The following ZNF831 variants were observed in gnomAD, a reference collection of about 807,000 sequenced individuals.
ZNF831 encodes zinc finger protein 831.
Under a neutral mutation model 95.8 loss-of-function variants are expected in ZNF831, and 59 were observed. The observed-to-expected ratio is 0.62, with a 90% CI of 0.50 to 0.77. ZNF831 has a LOEUF of 0.77. Ranked by LOEUF, ZNF831 falls within the 30% of genes least tolerant of loss-of-function variation. The probability of loss-of-function intolerance (pLI) is 0.00; values close to 1 mark genes in which losing one functional copy is unlikely to be tolerated. For synonymous variants in ZNF831, 961 were observed against 925.5 expected (o/e 1.04, Z -0.70); for missense variants, 2,205 against 2,164.0 (o/e 1.02, Z -0.38).
In ZNF831 at chr20:59,254,236, C is replaced by T. The variant is rs2146766229; in HGVS notation, c.4527C>T (p.His1509=). Reference sequence around the variant, plus strand: ...CAGATCACATAGCCCAGGAAATTCACAGTGCTGAATCACGAGACCACAGCC... The same window carrying T: ...CAGATCACATAGCCCAGGAAATTCATAGTGCTGAATCACGAGACCACAGCC... The part of the protein sequence containing the change: ...VRTDHIAQEI[H]SAESRDHSQT... Residue 1509 remains histidine, a synonymous_variant, in exon 6 of 6, where the codon CAC becomes CAT. Transcript: ENST00000371030. This position sits in a 1 kb window ranked among gnomAD's most constrained non-coding sequence, Gnocchi z 4.5. The T allele has an allele frequency of 1.2e-6, 2 of 1,614,110 alleles. No homozygotes were observed. Among genetic ancestry groups the T allele is most frequent in the Non-Finnish European group, 1.7e-6 (2 of 1,179,992 alleles).
intron 4 of ZNF831, among the ~76,000 whole-genome samples, chr20:59,245,241 C>G (rs561714554): frequency 1.3e-5 from 2 of 152,306 alleles, no homozygotes; most frequent in South Asian, 2.1e-4. Context: ...GTTTTGAAAA[C>G]TAATTAGTTA....
rs1013171413 is a variant in ZNF831, at chr20:59,149,715, C to G, written c.-1281+3341C>G. ...CAGGGCCCCCAACACATGTTTCATG[C>G]CTGAGCCTTGTCCCTGTGATGTTGA... On this transcript the variant is annotated intron_variant, in intron 2 of 7. Coordinates refer to the ZNF831 transcript ENST00000637017. 6.6e-5 allele frequency among the ~76,000 whole-genome samples: 10 copies of G among 152,238 alleles called. 1 individual carries two copies. Among genetic ancestry groups the G allele is most frequent in the Admixed American group, 5.9e-4 (9 of 15,290 alleles).
At chr20:59,236,416 C>T (rs1987000754) in intron 4 of ZNF831, among the ~76,000 whole-genome samples, 1 of 152,126 alleles carries the variant, frequency 6.6e-6, no homozygotes, top group South Asian at 2.1e-4. Context: ...CGATTCCTCT[C>T]CTCTGCATGA....
chr20:59,227,785 A>G (rs1339588495), intron 4 of ZNF831, among the ~76,000 whole-genome samples: 1 of 152,154 alleles, frequency 6.6e-6, no homozygotes. Context: ...TGGATCAGTC[A>G]CTATTATGGG....
At chr20:59,133,953 A>G (rs1979425863) in intron 1 of ZNF831, among the ~76,000 whole-genome samples, 1 of 152,234 alleles carries the variant, frequency 6.6e-6, no homozygotes, top group Admixed American at 6.5e-5. Context: ...TGATAAGCAC[A>G]TGCCTTCTGG....
chr20:59,138,610 C>T (rs1979583604), intron 1 of ZNF831, among the ~76,000 whole-genome samples: 1 of 152,186 alleles, frequency 6.6e-6, no homozygotes, highest in Non-Finnish European at 1.5e-5. Flanking sequence ...AGTTAGGTCT[C>T]CCTAGTAACT....
chr20:59,253,869 C>CCCCTTTT, intron 5 of ZNF831, 29 bp from the exon 6 acceptor site: 1 of 1,067,576 alleles, frequency 9.4e-7, no homozygotes, highest in Non-Finnish European at 1.2e-6. Flanking sequence ...TCCCCCCCCA[C>CCCCTTTT]TTTTTTTTTC....
chr20:59,144,596 G>A (rs751495811), intron 1 of ZNF831, among the ~76,000 whole-genome samples: 2 of 152,180 alleles, frequency 1.3e-5, no homozygotes, highest in African/African-American at 2.4e-5. Context: ...AGATGGTGAC[G>A]GGAAGGGCTT....
chr20:59,162,512 TTAGC>T (rs1176553503), upstream of ZNF831, among the ~76,000 whole-genome samples: 21 of 152,218 alleles, frequency 1.4e-4, no homozygotes, highest in Non-Finnish European at 3.1e-4. Flanking sequence ...CTGCATATGG[TTAGC>T]TAGTTTCCCC....
intron 2 of ZNF831, among the ~76,000 whole-genome samples, chr20:59,151,953 C>T (rs577013691): frequency 2.0e-5 from 3 of 152,250 alleles, no homozygotes; most frequent in Admixed American, 6.5e-5. Flanking sequence ...GCCATATAGC[C>T]TCAGCCACAG....
chr20:59,192,797 G>C lies in ZNF831; in HGVS notation c.1778G>C (p.Arg593Pro), dbSNP rs761881294. 6.2e-7 allele frequency: 1 copy of C among 1,612,198 alleles called. No individual in the cohort carries two copies. The highest frequency in any genetic ancestry group is 8.5e-7 in the Non-Finnish European group (1 of 1,179,564). The part of the protein sequence containing the change: ...EDTDAKRTAA[R>P]EAMAGKGRAG... ...ACAGACGCAAAGAGAACTGCTGCGC[G>C]GGAGGCCATGGCCGGCAAGGGCAGA... is the stretch of plus-strand genomic sequence containing the variant. Residue 593 changes from arginine (R) to proline (P), a missense_variant, in exon 2 of 6, where the codon CGG (arginine) becomes CCG (proline). Transcript: ENST00000371030. This position sits in a 1 kb window ranked among gnomAD's most constrained non-coding sequence, Gnocchi z 5.2.
chr20:59,140,415 C>A lies in ZNF831; in HGVS notation c.-1424-5816C>A, dbSNP rs115012691. Reference sequence around the variant, plus strand: ...TGCTCCTGGTTGAGACTGGGCCCTCCACCCCATGGGAACAGTAAACCACAG... The same window carrying A: ...TGCTCCTGGTTGAGACTGGGCCCTCAACCCCATGGGAACAGTAAACCACAG... On this transcript the variant is annotated intron_variant, in intron 1 of 7. Transcript: ENST00000637017. Among the ~76,000 whole-genome samples the A allele has an allele frequency of 8.9e-3, 1,355 of 152,296 alleles. 15 individuals carry two copies. Among genetic ancestry groups the A allele is most frequent in the African/African-American group, 0.031 (1,276 of 41,522 alleles).
intron 2 of ZNF831, among the ~76,000 whole-genome samples, chr20:59,156,724 G>A (rs1188959929): frequency 6.6e-6 from 1 of 152,002 alleles, no homozygotes; most frequent in Non-Finnish European, 1.5e-5. Context: ...CTATAAGTTT[G>A]ACTGTTTTAG....
intron 4 of ZNF831, among the ~76,000 whole-genome samples, chr20:59,211,128 G>T (rs1985302132): frequency 6.6e-6 from 1 of 152,006 alleles, no homozygotes; most frequent in Non-Finnish European, 1.5e-5. Flanking sequence ...GAAACAAGTG[G>T]CTTTCCATAG....
chr20:59,193,113 C>G lies in ZNF831; in HGVS notation c.2094C>G (p.Ala698=), dbSNP rs1181177440. 1 of 1,590,232 alleles carries G rather than the reference C, an allele frequency of 6.3e-7. No individual in the cohort carries two copies. Among genetic ancestry groups the G allele is most frequent in the Non-Finnish European group, 8.6e-7 (1 of 1,168,020 alleles). Residue 698 remains alanine (A), a synonymous_variant, in exon 2 of 6, where the codon GCC becomes GCG. Transcript: ENST00000371030. ...CAGAGCCTTGGGGAAATCCACCAGC[C>G]CTGGAGGCCTCCTTGGTGACTGAAC... ...ATPEPWGNPP[A]LEASLVTEPT...
intron 1 of ZNF831, among the ~76,000 whole-genome samples, chr20:59,186,268 A>G (rs1983024951): frequency 6.6e-6 from 1 of 152,116 alleles, no homozygotes; most frequent in South Asian, 2.1e-4. Context: ...TGGGAATGGA[A>G]TCCTTTTCTC....
At chr20:59,166,563 T>C (rs899049296) in intron 1 of ZNF831, among the ~76,000 whole-genome samples, 5 of 152,112 alleles carry the variant, frequency 3.3e-5, no homozygotes, top group Non-Finnish European at 7.4e-5. Flanking sequence ...AAATCCCTCC[T>C]GCTCTCCTCC....
At chr20:59,126,304 T>A (rs959043771) in intron 1 of ZNF831, among the ~76,000 whole-genome samples, 2 of 152,116 alleles carry the variant, frequency 1.3e-5, no homozygotes, top group African/African-American at 4.8e-5. Flanking sequence ...TAAAATAACA[T>A]GAAGTCCCTA....
intron 1 of ZNF831, among the ~76,000 whole-genome samples, chr20:59,129,326 C>T (rs1428093064): frequency 6.6e-6 from 1 of 152,044 alleles, no homozygotes; most frequent in Non-Finnish European, 1.5e-5. Context: ...ACCCCCAACG[C>T]TAACAAGACA....
Sources: gnomAD v4.1 joint callset for allele counts (sites outside exome capture counted in the v4.1 genomes callset) on GRCh38, gnomAD v4.1.1 for gene constraint, Gnocchi (gnomAD v3.1) non-coding constraint, MANE v1.5 for transcripts, NCBI Gene and HGNC (gene_info 2026-07-23, HGNC 2026-07-21) for gene names.